Variants in SPOCD1 observed in about 807,000 individuals in gnomAD.
SPOCD1 encodes the protein SPOC domain containing 1, also known as SPOC domain-containing protein 1.
Under a neutral mutation model 92.2 loss-of-function variants are expected in SPOCD1, and 64 were observed. The observed-to-expected ratio is 0.69, with a 90% CI of 0.57 to 0.86. SPOCD1 has a LOEUF of 0.86. Ranked by LOEUF, SPOCD1 falls within the 40% of genes least tolerant of loss-of-function variation. The pLI, the probability that SPOCD1 is intolerant of heterozygous loss-of-function variation, is 0.00. For synonymous variants in SPOCD1, 578 were observed against 619.3 expected (o/e 0.93, Z 0.99); for missense variants, 1,360 against 1,543.1 (o/e 0.88, Z 1.99).
Position 31,790,603 on chromosome 1 carries a change from T to A in SPOCD1, c.3651A>T (p.Ter1217CysextTer39), listed in dbSNP as rs1394680694. Residue 1217 changes from the stop codon to cysteine, a stop_lost, in exon 16 of 16, where the codon TGA (stop) becomes TGT (cysteine). Transcript: ENST00000360482. ...CCCCTGTTCTGGTGGGTAAGGAGGG[T>A]CAGGCCTTTCTAGGGAAGGGACACT... Reference protein sequence around the residue: ...GSECPFPRKA* With the variant: ...GSECPFPRKAC 4.5e-6 allele frequency: 7 copies of A among 1,551,220 alleles called. No homozygotes were observed. The African/African-American group carries it at 6.9e-5, about 15-fold the overall frequency.
Position 31,793,432 on chromosome 1 carries a change from G to A in SPOCD1, c.2535-4C>T. On this transcript the variant is annotated splice_region_variant and splice_polypyrimidine_tract_variant and intron_variant, in intron 12 of 15. Coordinates refer to ENST00000360482, the MANE Select transcript of SPOCD1 (RefSeq NM_144569.7). ...ATGGAGCCCAGATGGAGGGACCCTA[G>A]AGGGAGGGACAGAAGACAGGGCCAG... The A allele has an allele frequency of 6.3e-7, 1 of 1,585,950 alleles. No individual in the cohort carries two copies. Among genetic ancestry groups the A allele is most frequent in the Non-Finnish European group, 8.6e-7 (1 of 1,165,922 alleles).
chr1:31,799,659 TC>T, intron 6 of SPOCD1, 149 bp downstream of exon 6: 1 of 1,149,466 alleles, frequency 8.7e-7, no homozygotes, highest in Non-Finnish European at 1.2e-6. Context: ...CCCCACCCCT[TC>T]CCCCACCCCT....
intron 2 of SPOCD1, among the ~76,000 whole-genome samples, chr1:31,811,192 C>T (rs1306726486): frequency 6.6e-6 from 1 of 152,204 alleles, no homozygotes; most frequent in Non-Finnish European, 1.5e-5. Flanking sequence ...CTTTCTGCAG[C>T]CAGGCGCAGT....
Position 31,814,952 on chromosome 1 carries a change from C to A in SPOCD1, c.382G>T (p.Asp128Tyr). Reference sequence around the variant, plus strand: ...CAAAGTTTCCTGGGGCAACTGTCATCTAAGATGTCACACAGAGAAACCTGG... The same window carrying A: ...CAAAGTTTCCTGGGGCAACTGTCATATAAGATGTCACACAGAGAAACCTGG... ...RLQVSLCDIL[D>Y]DSCPRKLCSR... is the part of the protein sequence containing the mutation. Residue 128 changes from aspartate (D) to tyrosine (Y), a missense_variant, in exon 2 of 16, where the codon GAT (aspartate) becomes TAT (tyrosine). By Grantham distance (160) the Asp-to-Tyr change is radical. This residue lies in a region of SPOCD1 where 140 missense variants were observed against 183.8 expected (regional missense o/e 0.76). Coordinates refer to ENST00000360482, the MANE Select transcript of SPOCD1 (RefSeq NM_144569.7). The surrounding 1 kb of genome is among the most constrained non-coding windows in gnomAD (Gnocchi z 4.2). 1 of 1,614,000 alleles carries A rather than the reference C, an allele frequency of 6.2e-7. No homozygotes were observed. The highest frequency in any genetic ancestry group is 8.5e-7 in the Non-Finnish European group (1 of 1,180,026).
chr1:31,807,691 A>G (rs1648927160), intron 2 of SPOCD1, among the ~76,000 whole-genome samples: 1 of 152,010 alleles, frequency 6.6e-6, no homozygotes, highest in Non-Finnish European at 1.5e-5. Context: ...GACAACAAAC[A>G]TATAGTGGAG....
At chr1:31,801,595 G>A in intron 3 of SPOCD1, 69 bp downstream of exon 3, 1 of 1,430,310 alleles carries the variant, frequency 7.0e-7, no homozygotes, top group Non-Finnish European at 9.9e-7. Flanking sequence ...TACTGTGGAG[G>A]AGCCCTCCCA....
At chr1:31,801,488 A>G (rs1648461245) in intron 3 of SPOCD1, among the ~76,000 whole-genome samples, 176 bp downstream of exon 3, 1 of 152,212 alleles carries the variant, frequency 6.6e-6, no homozygotes, top group African/African-American at 2.4e-5. Flanking sequence ...CAAGGTCTGC[A>G]GGAAACTAAA....
chr1:31,795,884 A>G (rs1647976349), intron 10 of SPOCD1: 2 of 154,918 alleles, frequency 1.3e-5, no homozygotes, highest in South Asian at 2.0e-4. Flanking sequence ...AGAACATTCA[A>G]CTACAGCCAG....
chr1:31,790,880 G>A lies in SPOCD1; in HGVS notation c.3374C>T (p.Ser1125Leu), dbSNP rs1446706069. ...PGLRQSQHPY[S>L]VAPAGHGFGR... ...AAAGCCATGACCAGCTGGTGCTACT[G>A]AATAGGGATGCTGGGACTGGCGCAA... The change falls in exon 16 of 16, where the codon TCA (serine) becomes TTA (leucine). Residue 1125 changes from serine (S) to leucine (L), a missense_variant. Physicochemically the swap from Ser to Leu is moderately radical, Grantham distance 145 (BLOSUM62 -2). This residue lies in a region of SPOCD1 where 614 missense variants were observed against 757.8 expected (regional missense o/e 0.81). Coordinates refer to ENST00000360482, the MANE Select transcript of SPOCD1 (RefSeq NM_144569.7). The A allele has an allele frequency of 6.3e-7, 1 of 1,580,876 alleles. No homozygotes were observed. The highest frequency in any genetic ancestry group is 1.3e-5 in the African/African-American group (1 of 74,086).
chr1:31,810,354 ATTTT>A (rs35691769), intron 2 of SPOCD1, among the ~76,000 whole-genome samples: 1 of 137,954 alleles, frequency 7.2e-6, no homozygotes, highest in East Asian at 2.1e-4. Context: ...TTAGTGTTGA[ATTTT>A]TTTTTTTTTT....
At position 31,790,724 on chromosome 1, in the gene SPOCD1, CGGGGGATGGAGCTCTTGGTCT is replaced by C; in HGVS notation, c.3509_3529del (p.Gln1170_Pro1176del). 1 of 1,551,786 alleles carries C rather than the reference CGGGGGATGGAGCTCTTGGTCT, an allele frequency of 6.4e-7. No homozygotes were observed. Among genetic ancestry groups the C allele is most frequent in the Non-Finnish European group, 8.7e-7 (1 of 1,147,070 alleles). ...GGCGCTAGACAAACGCTGCAGAGGGCGGGGGATGGAGCTCTTGGTCTGGGGGCACAGTAAGGCTTGGAGCTG... is the reference window on the plus strand; with the variant it reads ...GGCGCTAGACAAACGCTGCAGAGGGCGGGGGCACAGTAAGGCTTGGAGCTG... On this transcript the variant is annotated inframe_deletion, in exon 16 of 16. Transcript: ENST00000360482.
At chr1:31,806,606 T>C (rs1369143374) in intron 2 of SPOCD1, among the ~76,000 whole-genome samples, 3 of 151,604 alleles carry the variant, frequency 2.0e-5, no homozygotes, top group African/African-American at 7.3e-5. Flanking sequence ...AGTGCAGTGG[T>C]GCGATCTCGG....
At position 31,798,646 on chromosome 1, in the gene SPOCD1, C is replaced by T; in HGVS notation, c.1869-45G>A. The T allele has an allele frequency of 1.9e-6, 3 of 1,589,450 alleles. No individual in the cohort carries two copies. The highest frequency in any genetic ancestry group is 2.6e-6 in the Non-Finnish European group (3 of 1,169,526). On this transcript the variant is annotated intron_variant, in intron 7 of 15. Transcript: ENST00000360482. The surrounding 1 kb of genome is among the most constrained non-coding windows in gnomAD (Gnocchi z 4.1). ...GCGGGGGCACTGAGCCCAGGAGGCT[C>T]TCCAGGCACTTAGTCCCAGAGGGAG... is the stretch of plus-strand genomic sequence containing the variant.
chr1:31,794,447 C>T (rs951085486), intron 10 of SPOCD1: 4 of 437,558 alleles, frequency 9.1e-6, no homozygotes, highest in Non-Finnish European at 1.6e-5. Context: ...CACTCAGAGA[C>T]CACTGTTGAT....
intron 10 of SPOCD1, chr1:31,795,351 G>A (rs1439054914): frequency 1.3e-5 from 2 of 152,200 alleles, no homozygotes; most frequent in Non-Finnish European, 2.9e-5. Context: ...GCACATATGT[G>A]ACCTTGGTGC....
At chr1:31,799,728 G>T in intron 6 of SPOCD1, 81 bp downstream of exon 6, 1 of 1,496,704 alleles carries the variant, frequency 6.7e-7, no homozygotes, top group East Asian at 2.3e-5. Flanking sequence ...AGCAGGGGCT[G>T]GGCCCAGGAG....
chr1:31,792,775 C>T lies in SPOCD1; in HGVS notation c.2686-8G>A, dbSNP rs760955637. ...GATCACGGTGGGCAGAGCCTAGGGGCAGGAAGGATGGCCAGTCAGCTCCCC... is the reference window on the plus strand; with the variant it reads ...GATCACGGTGGGCAGAGCCTAGGGGTAGGAAGGATGGCCAGTCAGCTCCCC... On this transcript the variant is annotated splice_region_variant and splice_polypyrimidine_tract_variant and intron_variant, in intron 13 of 15. Coordinates refer to ENST00000360482, the MANE Select transcript of SPOCD1 (RefSeq NM_144569.7). 1.0e-5 allele frequency: 16 copies of T among 1,594,528 alleles called. No individual in the cohort carries two copies. In the South Asian group the frequency reaches 1.7e-4, roughly 17 times the overall value.
Position 31,790,760 on chromosome 1 carries a change from G to A in SPOCD1, c.3494C>T (p.Ala1165Val), listed in dbSNP as rs1647524146. 6.4e-7 allele frequency: 1 copy of A among 1,551,492 alleles called. No individual in the cohort carries two copies. Among genetic ancestry groups the A allele is most frequent in the Admixed American group, 2.0e-5 (1 of 50,900 alleles). The stretch of plus-strand genomic sequence containing the variant: ...GCTCTTGGTCTGGGGGCACAGTAAG[G>A]CTTGGAGCTGGTGACTCATGGTCGC... ...SLATMSHQLQALLCPQTKSSI... is the reference protein window; with the variant it reads ...SLATMSHQLQVLLCPQTKSSI... Residue 1165 changes from alanine to valine, a missense_variant, in exon 16 of 16, where the codon GCC becomes GTC. Physicochemically the swap from Ala to Val is moderately conservative, Grantham distance 64. Coordinates refer to ENST00000360482, the MANE Select transcript of SPOCD1 (RefSeq NM_144569.7).
chr1:31,813,617 A>C (rs1649344723), intron 2 of SPOCD1, among the ~76,000 whole-genome samples: 2 of 152,146 alleles, frequency 1.3e-5, no homozygotes, highest in Non-Finnish European at 2.9e-5. Context: ...AACCCCATGA[A>C]GCTGCAATTA....
Sources: gnomAD v4.1 joint callset for allele counts (sites outside exome capture counted in the v4.1 genomes callset) on GRCh38, gnomAD v4.1.1 for gene constraint, gnomAD v4.1.1 regional missense constraint, Gnocchi (gnomAD v3.1) non-coding constraint, MANE v1.5 for transcripts, NCBI Gene and HGNC (gene_info 2026-07-23, HGNC 2026-07-21) for gene names.